GNAI3: variants seen among roughly 807,000 people sequenced by gnomAD.
The protein encoded by GNAI3 is G protein subunit alpha i3, also known as guanine nucleotide-binding protein G(i) subunit alpha-3.
GNAI3 carries 12 observed loss-of-function variants against 41.8 expected under a neutral mutation model. That is an observed-to-expected ratio of 0.29 (90% confidence interval 0.18 to 0.47). The LOEUF is 0.47. GNAI3 is among the 20% of genes least tolerant of loss of function. GNAI3 has a pLI of 1.00. For missense variants in GNAI3, 360 were observed against 429.6 expected (o/e 0.84, Z 1.43); for synonymous variants, 132 against 146.5 (o/e 0.90, Z 0.71).
In GNAI3 at chr1:109,595,773, T is replaced by G. The variant is rs879466539; in HGVS notation, c.*3451T>G. On this transcript the variant is annotated 3_prime_UTR_variant, in exon 9 of 9. Coordinates refer to ENST00000369851, the MANE Select transcript of GNAI3 (RefSeq NM_006496.4). ...TATTGCAGTCATATATAAGGTAAAG[T>G]CAGTCTCTTGTTCCTATTAAAAAGC... is the stretch of plus-strand genomic sequence containing the variant. The G allele has an allele frequency of 1.3e-5, 2 of 152,012 alleles. No individual in the cohort carries two copies. The highest frequency in any genetic ancestry group is 6.6e-5 in the Admixed American group (1 of 15,258). The allele number at this position is 152,012 out of a possible 1,614,324, so 9.4% of individuals were successfully genotyped here.
At chr1:109,550,446 A>G (rs1403543148) in intron 1 of GNAI3, among the ~76,000 whole-genome samples, 6 of 152,088 alleles carry the variant, frequency 3.9e-5, no homozygotes, top group South Asian at 2.1e-4. Flanking sequence ...TTAAATATTT[A>G]CTGTTAACCA....
chr1:109,592,274 TAG>T lies in GNAI3; in HGVS notation c.*22+20_*22+21del. The T allele has an allele frequency of 7.7e-7, 1 of 1,303,124 alleles. No homozygotes were observed. The highest frequency in any genetic ancestry group is 1.9e-4 in the Middle Eastern group (1 of 5,376). 80.7% of individuals were successfully genotyped at this position (1,303,124 alleles called of 1,614,324 possible). On this transcript the variant is annotated intron_variant, in intron 8 of 8. Transcript: ENST00000369851. ...GTGAAAGGTAAAGTTTCATACAAGG[TAG>T]TTATAGTGCTACAGTGATGTCTCTT...
Position 109,566,073 on chromosome 1 carries a change from A to G in GNAI3, c.119-7664A>G, listed in dbSNP as rs148475260. Among the ~76,000 whole-genome samples, 6 of 152,342 alleles carry G rather than the reference A, an allele frequency of 3.9e-5. No individual in the cohort carries two copies. In the East Asian group the frequency reaches 1.2e-3, roughly 29 times the overall value. ...GGCTGGGAAGGACAGTTTGGGGGCT[A>G]GTTTTGGAAATTAACCTCTTGAACT... On this transcript the variant is annotated intron_variant, in intron 1 of 8. Coordinates refer to ENST00000369851, the MANE Select transcript of GNAI3 (RefSeq NM_006496.4).
intron 1 of GNAI3, among the ~76,000 whole-genome samples, chr1:109,558,984 C>G (rs1236973135): frequency 1.3e-5 from 2 of 152,032 alleles, no homozygotes; most frequent in Non-Finnish European, 2.9e-5. Context: ...CGAGACCAGC[C>G]TGGCCAGCAT....
At chr1:109,581,406 G>A (rs1459729708) in intron 4 of GNAI3, among the ~76,000 whole-genome samples, 1 of 151,956 alleles carries the variant, frequency 6.6e-6, no homozygotes, top group African/African-American at 2.4e-5. Context: ...CCTGTCAAAT[G>A]GTTAAACACG....
intron 5 of GNAI3, among the ~76,000 whole-genome samples, chr1:109,583,312 T>A (rs1648942523): frequency 6.6e-6 from 1 of 152,134 alleles, no homozygotes; most frequent in Admixed American, 6.5e-5. Context: ...TGGGCTCAAG[T>A]GATCCTTCTG....
At chr1:109,582,751 C>T (rs1162537125) in intron 5 of GNAI3, among the ~76,000 whole-genome samples, 186 bp downstream of exon 5, 1 of 152,124 alleles carries the variant, frequency 6.6e-6, no homozygotes, top group Non-Finnish European at 1.5e-5. Context: ...CTCCAAATAG[C>T]GTCAAATGTT....
At position 109,595,671 on chromosome 1, in the gene GNAI3, T is replaced by C. The variant is rs1649283949; in HGVS notation, c.*3349T>C. On this transcript the variant is annotated 3_prime_UTR_variant, in exon 9 of 9. Coordinates refer to ENST00000369851, the MANE Select transcript of GNAI3 (RefSeq NM_006496.4). ...GACATTACTTGCCTGGCCTGATTAG[T>C]TACTTAATATAATTTATTCATTTGC... 1 of 152,184 alleles carries C rather than the reference T, an allele frequency of 6.6e-6. No homozygotes were observed. Among genetic ancestry groups the C allele is most frequent in the Admixed American group, 6.5e-5 (1 of 15,284 alleles). The allele number at this position is 152,184 out of a possible 1,614,324, so 9.4% of individuals were successfully genotyped here.
chr1:109,552,448 A>G (rs182805693), intron 1 of GNAI3, among the ~76,000 whole-genome samples: 9 of 152,184 alleles, frequency 5.9e-5, no homozygotes, highest in Admixed American at 5.9e-4. Context: ...TTTACTATTT[A>G]AACAATTAGA....
At chr1:109,564,382 G>C (rs1212471279) in intron 1 of GNAI3, among the ~76,000 whole-genome samples, 3 of 150,884 alleles carry the variant, frequency 2.0e-5, no homozygotes, top group Admixed American at 6.6e-5. Context: ...AACAACCTTT[G>C]TTGTAAAACA....
intron 1 of GNAI3, among the ~76,000 whole-genome samples, chr1:109,549,062 C>G (rs1424808397): frequency 6.6e-6 from 1 of 152,058 alleles, no homozygotes; most frequent in Non-Finnish European, 1.5e-5. Flanking sequence ...GGTGTGACTC[C>G]GGGCTAGAAT....
rs188037581 is a variant in GNAI3 at position 109,576,978 on chromosome 1, T to G, written c.304-2226T>G. On this transcript the variant is annotated intron_variant, in intron 3 of 8. Transcript: ENST00000369851. ...AAAAAGTAGTAATAATTCCCTCTCTTTTGAAGTTTCTAAAATTAGAGTCAT... is the reference window on the plus strand; with the variant it reads ...AAAAAGTAGTAATAATTCCCTCTCTGTTGAAGTTTCTAAAATTAGAGTCAT... 4.0e-5 allele frequency among the ~76,000 whole-genome samples: 6 copies of G among 151,426 alleles called. No individual in the cohort carries two copies. In the East Asian group the frequency reaches 1.2e-3, roughly 29 times the overall value.
At chr1:109,567,342 G>A (rs1256692358) in intron 1 of GNAI3, among the ~76,000 whole-genome samples, 1 of 152,168 alleles carries the variant, frequency 6.6e-6, no homozygotes, top group East Asian at 1.9e-4. Flanking sequence ...GATGTTTCAG[G>A]TACCCCTGGA....
chr1:109,577,175 G>A (rs1237049025), intron 3 of GNAI3, among the ~76,000 whole-genome samples: 1 of 151,566 alleles, frequency 6.6e-6, no homozygotes, highest in Non-Finnish European at 1.5e-5. Context: ...GAGTATGTTT[G>A]CCAATTTGTC....
At chr1:109,566,480 A>G (rs991301181) in intron 1 of GNAI3, among the ~76,000 whole-genome samples, 1 of 152,208 alleles carries the variant, frequency 6.6e-6, no homozygotes, top group African/African-American at 2.4e-5. Flanking sequence ...TTATTCTTCT[A>G]GCCTTTTCTT....
At chr1:109,569,973 A>G (rs1297807632) in intron 1 of GNAI3, among the ~76,000 whole-genome samples, 2 of 152,216 alleles carry the variant, frequency 1.3e-5, no homozygotes, top group South Asian at 2.1e-4. Flanking sequence ...TAATTCATTA[A>G]TCTCAACTTT....
At chr1:109,552,679 C>T (rs2101087528) in intron 1 of GNAI3, among the ~76,000 whole-genome samples, 1 of 151,526 alleles carries the variant, frequency 6.6e-6, no homozygotes, top group South Asian at 2.1e-4. Context: ...TTTTTCATGC[C>T]ATAATTTCAT....
intron 1 of GNAI3, among the ~76,000 whole-genome samples, chr1:109,555,523 T>C (rs1215285500): frequency 6.6e-6 from 1 of 152,152 alleles, no homozygotes; most frequent in Non-Finnish European, 1.5e-5. Flanking sequence ...AATACGGCCC[T>C]TTTCAGGAAT....
chr1:109,575,212 T>G (rs1418372802), intron 3 of GNAI3, among the ~76,000 whole-genome samples: 1 of 152,178 alleles, frequency 6.6e-6, no homozygotes, highest in Non-Finnish European at 1.5e-5. Flanking sequence ...ATCCTTGTCT[T>G]ACCCTTTCCT....
Sources: gnomAD v4.1 joint callset for allele counts (sites outside exome capture counted in the v4.1 genomes callset) on GRCh38, gnomAD v4.1.1 for gene constraint, MANE v1.5 for transcripts, NCBI Gene and HGNC (gene_info 2026-07-23, HGNC 2026-07-21) for gene names.